FSTL5: variants seen among roughly 807,000 people sequenced by gnomAD.
The protein encoded by FSTL5 is follistatin like 5.
A neutral mutation model predicts 89.1 loss-of-function variants in FSTL5; 62 were observed. The ratio of observed to expected loss-of-function variants is 0.70; its 90% CI spans 0.57 to 0.86. The LOEUF is 0.86. Among genes scored for constraint, FSTL5 ranks in the 40% least tolerant of loss-of-function variants. The pLI is 0.00. For missense variants in FSTL5, 1,057 were observed against 1,001.6 expected (o/e 1.06, Z -0.75); for synonymous variants, 383 against 346.2 (o/e 1.11, Z -1.18).
At chr4:161,853,031 G>C (rs1206687378) in intron 4 of FSTL5, among the ~76,000 whole-genome samples, 1 of 152,116 alleles carries the variant, frequency 6.6e-6, no homozygotes, top group Non-Finnish European at 1.5e-5. Context: ...TTCTTGCCTT[G>C]TTCTTCTCTC....
chr4:161,647,087 A>G (rs1458465273), intron 7 of FSTL5, among the ~76,000 whole-genome samples: 1 of 152,164 alleles, frequency 6.6e-6, no homozygotes, highest in Non-Finnish European at 1.5e-5. Context: ...GACCAATGCC[A>G]TGAGGCTTTT....
intron 10 of FSTL5, among the ~76,000 whole-genome samples, chr4:161,520,587 T>C (rs1730990497): frequency 6.6e-6 from 1 of 152,094 alleles, no homozygotes; most frequent in African/African-American, 2.4e-5. Flanking sequence ...TAGGAGTAAA[T>C]ATATCCTATA....
At chr4:161,498,305 C>A (rs1560924401) in intron 12 of FSTL5, among the ~76,000 whole-genome samples, 3 of 152,100 alleles carry the variant, frequency 2.0e-5, no homozygotes, top group South Asian at 4.1e-4. Flanking sequence ...GCAAAACTGT[C>A]ACATCAAATT....
rs79751166 is a variant in FSTL5 at position 161,677,639 on chromosome 4, C to T, written c.728-21145G>A. Among the ~76,000 whole-genome samples the T allele has an allele frequency of 2.8e-3, 428 of 151,998 alleles. 18 individuals carry two copies. In the East Asian group the frequency reaches 0.062, roughly 22 times the overall value. On this transcript the variant is annotated intron_variant, in intron 6 of 15. Coordinates refer to ENST00000306100, the MANE Select transcript of FSTL5 (RefSeq NM_020116.5). ...GCCCATGTTGCTTCTGTGTGAGAAC[C>T]GAAAGAGTGTTCCTCTTCTCTAAAG...
At chr4:162,099,446 C>G (rs188003294) in intron 2 of FSTL5, among the ~76,000 whole-genome samples, 472 of 152,048 alleles carry the variant, frequency 3.1e-3, no homozygotes, top group Non-Finnish European at 4.4e-3. Context: ...AATGGATTCA[C>G]AATAAATTTA....
chr4:162,089,719 T>C lies in FSTL5; in HGVS notation c.126+21552A>G, dbSNP rs530983023. Among the ~76,000 whole-genome samples, 36 of 151,452 alleles carry C rather than the reference T, an allele frequency of 2.4e-4. No homozygotes were observed. In the East Asian group the frequency reaches 5.8e-3, roughly 24 times the overall value. On this transcript the variant is annotated intron_variant, in intron 2 of 15. Coordinates refer to ENST00000306100, the MANE Select transcript of FSTL5 (RefSeq NM_020116.5). The stretch of plus-strand genomic sequence containing the variant: ...ATCGTTGCTATACTTAAAAATCAAG[T>C]TAAACTTCTGCCTACAGAACAGTAC...
intron 3 of FSTL5, among the ~76,000 whole-genome samples, chr4:161,950,904 T>G (rs924685696): frequency 1.3e-5 from 2 of 152,008 alleles, no homozygotes; most frequent in Non-Finnish European, 2.9e-5. Context: ...TTATTATTAT[T>G]ATTGATGTTA....
intron 2 of FSTL5, among the ~76,000 whole-genome samples, chr4:162,037,597 T>C (rs1449236112): frequency 6.6e-6 from 1 of 151,884 alleles, no homozygotes; most frequent in African/African-American, 2.4e-5. Flanking sequence ...TTTTCTAAAA[T>C]CAAGTTCTCT....
chr4:161,473,371 A>G (rs2126438910), intron 13 of FSTL5, among the ~76,000 whole-genome samples: 1 of 144,256 alleles, frequency 6.9e-6, no homozygotes, highest in Non-Finnish European at 1.5e-5. Context: ...TGCTTGCTGT[A>G]TTGCTGTATT....
Position 161,384,242 on chromosome 4 carries a change from T to G in FSTL5, c.*1505A>C, listed in dbSNP as rs1372928444. The G allele has an allele frequency of 6.6e-6, 1 of 152,138 alleles. No individual in the cohort carries two copies. The highest frequency in any genetic ancestry group is 2.4e-5 in the African/African-American group (1 of 41,452). The allele number at this position is 152,138 out of a possible 1,614,324, so 9.4% of individuals were successfully genotyped here. ...TAAGCAGTTTTATACAATTTAAACTTGAGTAAAATTTGTATATTTAAAAAA... is the reference window on the plus strand; with the variant it reads ...TAAGCAGTTTTATACAATTTAAACTGGAGTAAAATTTGTATATTTAAAAAA... On this transcript the variant is annotated 3_prime_UTR_variant, in exon 16 of 16. Coordinates refer to ENST00000306100, the MANE Select transcript of FSTL5 (RefSeq NM_020116.5).
intron 3 of FSTL5, among the ~76,000 whole-genome samples, chr4:162,032,007 A>G (rs1737548070): frequency 6.6e-6 from 1 of 152,182 alleles, no homozygotes; most frequent in African/African-American, 2.4e-5. Context: ...GTGCTAGCTA[A>G]TAATAGTGAA....
chr4:161,645,682 A>G (rs530364830), intron 7 of FSTL5, among the ~76,000 whole-genome samples: 1 of 152,136 alleles, frequency 6.6e-6, no homozygotes, highest in Non-Finnish European at 1.5e-5. Context: ...TTTAGGCAGA[A>G]AATTAATGCA....
intron 2 of FSTL5, among the ~76,000 whole-genome samples, chr4:162,054,191 A>G (rs977761195): frequency 6.6e-6 from 1 of 151,824 alleles, no homozygotes; most frequent in Non-Finnish European, 1.5e-5. Flanking sequence ...TCTAAAAAAG[A>G]AATTGATCAT....
At chr4:161,446,838 T>G (rs1267772841) in intron 15 of FSTL5, among the ~76,000 whole-genome samples, 1 of 151,990 alleles carries the variant, frequency 6.6e-6, no homozygotes, top group African/African-American at 2.4e-5. Context: ...TATTTGGGAG[T>G]GTTTTTACTA....
At chr4:161,834,141 G>A (rs1448307442) in intron 4 of FSTL5, among the ~76,000 whole-genome samples, 2 of 152,050 alleles carry the variant, frequency 1.3e-5, no homozygotes, top group Admixed American at 6.6e-5. Context: ...TGCAAGGCTG[G>A]TTCAATATAT....
chr4:161,756,863 C>T (rs1390686552), intron 6 of FSTL5, among the ~76,000 whole-genome samples: 1 of 152,118 alleles, frequency 6.6e-6, no homozygotes, highest in Non-Finnish European at 1.5e-5. Context: ...CAAACATATC[C>T]ATTTAATACT....
At chr4:162,117,530 T>C (rs1305138656) in intron 1 of FSTL5, among the ~76,000 whole-genome samples, 1 of 152,156 alleles carries the variant, frequency 6.6e-6, no homozygotes, top group Non-Finnish European at 1.5e-5. Flanking sequence ...AGGAGAAGGA[T>C]GTGATTAGAG....
chr4:161,982,138 C>T (rs1379984586), intron 3 of FSTL5, among the ~76,000 whole-genome samples: 3 of 152,130 alleles, frequency 2.0e-5, no homozygotes, highest in Admixed American at 2.0e-4. Flanking sequence ...CTATGATTTT[C>T]AAGTATGACC....
intron 2 of FSTL5, among the ~76,000 whole-genome samples, chr4:162,094,540 T>C (rs1730673645): frequency 6.6e-6 from 1 of 151,946 alleles, no homozygotes; most frequent in Non-Finnish European, 1.5e-5. Context: ...GAGTAATAAA[T>C]ACAATAGGTT....
Sources: gnomAD v4.1 joint callset for allele counts (sites outside exome capture counted in the v4.1 genomes callset) on GRCh38, gnomAD v4.1.1 for gene constraint, MANE v1.5 for transcripts, NCBI Gene and HGNC (gene_info 2026-07-23, HGNC 2026-07-21) for gene names.